CNTNAP2: variants seen among roughly 807,000 people sequenced by gnomAD.
The protein encoded by CNTNAP2 is contactin-associated protein-like 2.
CNTNAP2 carries 98 observed loss-of-function variants against 155.2 expected under a neutral mutation model. The ratio of observed to expected loss-of-function variants is 0.63; its 90% CI spans 0.54 to 0.75. CNTNAP2 has a LOEUF of 0.75. CNTNAP2 is among the 30% of genes least tolerant of loss of function. The pLI is 0.00. For synonymous variants in CNTNAP2, 651 were observed against 631.2 expected, an observed-to-expected ratio of 1.03 and a Z score of -0.47; for missense variants, 1,727 against 1,688.1, an observed-to-expected ratio of 1.02 and a Z score of -0.40.
rs575199059 is a variant in CNTNAP2, at chr7:148,083,509, C to CAG, written c.2384-34604_2384-34603dup. On this transcript the variant is annotated intron_variant, in intron 15 of 23. Coordinates refer to ENST00000361727, the MANE Select transcript of CNTNAP2 (RefSeq NM_014141.6). ...AAGAGAAGGTGACTGAAACCAGAGG[C>CAG]AGAGAGGAGAAAGTGGACTGAGATT... 1.1e-4 allele frequency among the ~76,000 whole-genome samples: 17 copies of CAG among 152,224 alleles called. No individual in the cohort carries two copies. In the South Asian group the frequency reaches 3.5e-3, roughly 32 times the overall value.
At chr7:147,087,908 T>C (rs1288055610) in intron 4 of CNTNAP2, among the ~76,000 whole-genome samples, 1 of 151,776 alleles carries the variant, frequency 6.6e-6, no homozygotes, top group Non-Finnish European at 1.5e-5. Context: ...ACCCGGGAGG[T>C]AGAGGTTGCA....
At chr7:148,319,576 T>C (rs1585268823) in intron 21 of CNTNAP2, among the ~76,000 whole-genome samples, 1 of 152,162 alleles carries the variant, frequency 6.6e-6, no homozygotes, top group Middle Eastern at 3.4e-3. Context: ...AAGCTTCATA[T>C]GTGTTTACAA....
intron 8 of CNTNAP2, among the ~76,000 whole-genome samples, chr7:147,191,436 A>G (rs970849146): frequency 7.9e-5 from 12 of 152,200 alleles, no homozygotes; most frequent in African/African-American, 2.9e-4. Context: ...TGGGCTTTAC[A>G]GGCTGTGCTC....
intron 8 of CNTNAP2, among the ~76,000 whole-genome samples, chr7:147,149,848 A>T (rs1037072200): frequency 6.6e-6 from 1 of 152,212 alleles, no homozygotes; most frequent in Non-Finnish European, 1.5e-5. Context: ...TTTATCTATG[A>T]TGATAGCCAT....
At chr7:146,704,701 G>A (rs1170166882) in intron 1 of CNTNAP2, among the ~76,000 whole-genome samples, 1 of 152,124 alleles carries the variant, frequency 6.6e-6, no homozygotes, top group Non-Finnish European at 1.5e-5. Context: ...CCTCATAGAA[G>A]GGTAAATATT....
intron 13 of CNTNAP2, among the ~76,000 whole-genome samples, chr7:147,659,141 G>A (rs1441002092): frequency 2.6e-5 from 4 of 152,138 alleles, no homozygotes; most frequent in Non-Finnish European, 5.9e-5. Context: ...CAAAGGAAAG[G>A]AAAATCTGGG....
At chr7:147,933,540 GATAT>G (rs1554451581) in intron 14 of CNTNAP2, among the ~76,000 whole-genome samples, 1 of 92,904 alleles carries the variant, frequency 1.1e-5, no homozygotes, top group East Asian at 9.0e-4. Flanking sequence ...TAGATAGATA[GATAT>G]AACAGAATAT....
At chr7:148,195,494 A>T (rs1482749749) in intron 18 of CNTNAP2, among the ~76,000 whole-genome samples, 1 of 152,238 alleles carries the variant, frequency 6.6e-6, no homozygotes, top group South Asian at 2.1e-4. Flanking sequence ...CCTTCCCTGT[A>T]GTATTAAATT....
chr7:147,512,526 C>T (rs1584782377), intron 11 of CNTNAP2, among the ~76,000 whole-genome samples: 1 of 151,968 alleles, frequency 6.6e-6, no homozygotes, highest in South Asian at 2.1e-4. Flanking sequence ...TTTCTCATAA[C>T]TAAAGATCAA....
chr7:148,144,396 C>T (rs575447934), intron 16 of CNTNAP2, among the ~76,000 whole-genome samples: 1 of 152,342 alleles, frequency 6.6e-6, no homozygotes, highest in East Asian at 1.9e-4. Flanking sequence ...CAGCATCCAC[C>T]TGGGATGCCC....
chr7:147,012,954 T>G (rs1326223460), intron 3 of CNTNAP2, among the ~76,000 whole-genome samples: 1 of 152,052 alleles, frequency 6.6e-6, no homozygotes, highest in East Asian at 1.9e-4. Context: ...AATCTCCAAG[T>G]TGACAACTCT....
intron 1 of CNTNAP2, among the ~76,000 whole-genome samples, chr7:146,336,539 G>GA (rs11382460): frequency 0.059 from 8,306 of 140,326 alleles, 654 homozygotes; most frequent in African/African-American, 0.18. Flanking sequence ...ATCCATAAAG[G>GA]AAAAAAAAAA....
chr7:147,871,545 T>A (rs557630033), intron 13 of CNTNAP2, among the ~76,000 whole-genome samples: 22 of 152,210 alleles, frequency 1.4e-4, no homozygotes, highest in Non-Finnish European at 2.8e-4. Flanking sequence ...GTTGCCCTCA[T>A]TGGGGTATCA....
intron 8 of CNTNAP2, among the ~76,000 whole-genome samples, chr7:147,217,136 T>C (rs1018029386): frequency 6.6e-6 from 1 of 151,988 alleles, no homozygotes; most frequent in African/African-American, 2.4e-5. Context: ...CATGATTTCT[T>C]CCTTTTTTCT....
intron 15 of CNTNAP2, among the ~76,000 whole-genome samples, chr7:148,006,921 C>A (rs2116900283): frequency 6.6e-6 from 1 of 152,246 alleles, no homozygotes; most frequent in South Asian, 2.1e-4. Flanking sequence ...ATATATAGAA[C>A]ATTCTAGCAA....
chr7:148,322,779 G>A (rs1325445245), intron 21 of CNTNAP2, among the ~76,000 whole-genome samples: 1 of 125,398 alleles, frequency 8.0e-6, no homozygotes, highest in Admixed American at 7.8e-5. Context: ...GTTTTGTTTT[G>A]TTTTGTTGTT....
chr7:146,350,725 C>A (rs1227614419), intron 1 of CNTNAP2, among the ~76,000 whole-genome samples: 2 of 152,014 alleles, frequency 1.3e-5, no homozygotes, highest in Non-Finnish European at 2.9e-5. Context: ...AAGACACATG[C>A]ACACGTATGT....
At chr7:147,182,629 A>C (rs1563106341) in intron 8 of CNTNAP2, among the ~76,000 whole-genome samples, 1 of 152,094 alleles carries the variant, frequency 6.6e-6, no homozygotes, top group Non-Finnish European at 1.5e-5. Flanking sequence ...TTTAAAAAAA[A>C]ACCCTTTTAT....
At chr7:147,172,027 A>C (rs980446471) in intron 8 of CNTNAP2, among the ~76,000 whole-genome samples, 1 of 152,188 alleles carries the variant, frequency 6.6e-6, no homozygotes, top group Non-Finnish European at 1.5e-5. Flanking sequence ...GATGATTAAC[A>C]TGATGTTTCT....
Sources: allele counts gnomAD v4.1 joint callset (sites outside exome capture counted in the v4.1 genomes callset), GRCh38; gene constraint gnomAD v4.1.1; transcripts MANE v1.5; gene names NCBI Gene and HGNC (gene_info 2026-07-23, HGNC 2026-07-21).